LMF1: variants seen among roughly 807,000 people sequenced by gnomAD.
LMF1 encodes the protein lipase maturation factor 1.
In LMF1, 68 loss-of-function variants were observed where a neutral mutation model predicts 60.6. The ratio of observed to expected loss-of-function variants is 1.12; its 90% CI spans 0.92 to 1.37. LMF1 has a LOEUF of 1.37. Ranked by LOEUF, LMF1 falls within the 40% of genes most tolerant of loss-of-function variation. The pLI, the probability that LMF1 is intolerant of heterozygous loss-of-function variation, is 0.00. For missense variants in LMF1, 948 were observed against 767.2 expected, an observed-to-expected ratio of 1.24 and a Z score of -2.78; for synonymous variants, 418 against 324.7, an observed-to-expected ratio of 1.29 and a Z score of -3.09.
intron 1 of LMF1, among the ~76,000 whole-genome samples, chr16:959,258 C>G (rs2072772971): frequency 6.6e-6 from 1 of 152,240 alleles, no homozygotes; most frequent in Admixed American, 6.5e-5. Context: ...GCTGTTGGTT[C>G]AGGCAATAAC....
At chr16:887,472 G>A (rs1255014022) in intron 5 of LMF1, among the ~76,000 whole-genome samples, 2 of 152,216 alleles carry the variant, frequency 1.3e-5, no homozygotes, top group Non-Finnish European at 2.9e-5. Context: ...ACCCGTGGGG[G>A]AGCTCGGCGG....
At chr16:854,914 C>T (rs941898772) in intron 10 of LMF1, 14 of 610,646 alleles carry the variant, frequency 2.3e-5, no homozygotes, top group East Asian at 5.5e-5. Context: ...CAGTGAACAG[C>T]GCAGCAAGGG....
At chr16:917,294 TGCGGGCGG>T (rs1407484351) in intron 3 of LMF1, among the ~76,000 whole-genome samples, 26 of 108,422 alleles carry the variant, frequency 2.4e-4, no homozygotes, top group African/African-American at 1.1e-3. Context: ...ACGTGTGCAC[TGCGGGCGG>T]GCACAGGCCC....
At chr16:893,382 T>C (rs1421972870) in intron 4 of LMF1, 1 of 504,960 alleles carries the variant, frequency 2.0e-6, no homozygotes, top group African/African-American at 1.9e-5. Context: ...AAGTTGCGTG[T>C]CTTTAAAGAG....
At chr16:914,012 C>T (rs1596981856) in intron 3 of LMF1, among the ~76,000 whole-genome samples, 1 of 152,212 alleles carries the variant, frequency 6.6e-6, no homozygotes, top group Non-Finnish European at 1.5e-5. Context: ...GGAGTGGCTT[C>T]CCAGAGCTCT....
upstream of LMF1, among the ~76,000 whole-genome samples, chr16:973,861 T>C (rs1278800999): frequency 6.6e-6 from 1 of 151,806 alleles, no homozygotes; most frequent in Non-Finnish European, 1.5e-5. Context: ...AACAACAAAA[T>C]TAGCCGGGCA....
intron 1 of LMF1, among the ~76,000 whole-genome samples, chr16:969,555 G>C (rs550672172): frequency 1.3e-5 from 2 of 152,364 alleles, no homozygotes; most frequent in East Asian, 3.9e-4. Context: ...CAAAGGCTGT[G>C]CAAAGAAGAA....
At chr16:974,739 C>T (rs1237671807), upstream of LMF1, among the ~76,000 whole-genome samples, 8 of 152,338 alleles carry the variant, frequency 5.3e-5, no homozygotes, top group South Asian at 1.0e-3. Context: ...GAGCCCCTGT[C>T]GGCACCTCGT....
At chr16:855,961 T>C (rs1303519379) in intron 10 of LMF1, 2 of 455,700 alleles carry the variant, frequency 4.4e-6, no homozygotes, top group Non-Finnish European at 8.8e-6. Flanking sequence ...TCTGGGTGTG[T>C]GATGGATGAT....
chr16:883,265 T>C (rs1167549047), intron 5 of LMF1, among the ~76,000 whole-genome samples: 4 of 82,318 alleles, frequency 4.9e-5, no homozygotes, highest in African/African-American at 1.5e-4. Context: ...CCAGGAGAAA[T>C]AGGAGCTGCT....
chr16:951,272 A>C (rs2072459819), intron 2 of LMF1, among the ~76,000 whole-genome samples: 4 of 138,230 alleles, frequency 2.9e-5, no homozygotes, highest in Admixed American at 2.9e-4. Flanking sequence ...AGTCAGAGCC[A>C]ACGACAGAGT....
At chr16:912,305 G>A (rs533049315) in intron 3 of LMF1, among the ~76,000 whole-genome samples, 1 of 151,844 alleles carries the variant, frequency 6.6e-6, no homozygotes. Context: ...TGGGGGCAGT[G>A]TCTACCTGCC....
At chr16:920,031 C>T (rs1346032269) in intron 3 of LMF1, among the ~76,000 whole-genome samples, 2 of 151,870 alleles carry the variant, frequency 1.3e-5, no homozygotes, top group Non-Finnish European at 2.9e-5. Context: ...AACATCTGCA[C>T]CGGCCCTGGC....
intron 1 of LMF1, among the ~76,000 whole-genome samples, chr16:978,763 G>A (rs999108708): frequency 1.3e-4 from 20 of 152,086 alleles, no homozygotes; most frequent in Non-Finnish European, 2.9e-4. Flanking sequence ...GGGGAGGAGG[G>A]TGTGTGTGCA....
At position 954,498 on chromosome 16, in the gene LMF1, T is replaced by C; in HGVS notation, c.362A>G (p.Asp121Gly). The change falls in exon 2 of 11, where the codon GAC becomes GGC. Residue 121 changes from aspartate to glycine, a missense_variant. Physicochemically the swap from Asp to Gly is moderately conservative, Grantham distance 94 (BLOSUM62 -1). Transcript: ENST00000262301. Reference sequence around the variant, plus strand: ...CAGCAAGTCCAGGTTGGAGTTCATGTCTGACCAGTCCATCAGCCAGAGGAT... The same window carrying C: ...CAGCAAGTCCAGGTTGGAGTTCATGCCTGACCAGTCCATCAGCCAGAGGAT... ...PTILWLMDWSDMNSNLDLLAL... is the reference protein window; with the variant it reads ...PTILWLMDWSGMNSNLDLLAL... 4.3e-6 allele frequency: 7 copies of C among 1,612,864 alleles called. No homozygotes were observed. The highest frequency in any genetic ancestry group is 5.9e-6 in the Non-Finnish European group (7 of 1,179,560).
chr16:866,634 G>A (rs2069617352), intron 10 of LMF1, among the ~76,000 whole-genome samples: 1 of 152,190 alleles, frequency 6.6e-6, no homozygotes, highest in Non-Finnish European at 1.5e-5. Flanking sequence ...GCCGTTTGGA[G>A]GAGAGTCCAG....
At chr16:860,714 C>A (rs1199509937) in intron 10 of LMF1, among the ~76,000 whole-genome samples, 1 of 151,962 alleles carries the variant, frequency 6.6e-6, no homozygotes, top group Non-Finnish European at 1.5e-5. Context: ...TGGGGTGAGA[C>A]GTGGGTCGAA....
chr16:956,332 C>T (rs903913477), intron 1 of LMF1, among the ~76,000 whole-genome samples: 4 of 152,050 alleles, frequency 2.6e-5, no homozygotes, highest in Non-Finnish European at 5.9e-5. Context: ...ATTTGTAGAA[C>T]ACTGAATGCT....
chr16:947,830 TGACAGAGTCAGCCAAC>T (rs896777554), intron 2 of LMF1, among the ~76,000 whole-genome samples: 25 of 145,464 alleles, frequency 1.7e-4, no homozygotes, highest in Admixed American at 1.6e-3. Context: ...AGTCAGCCAA[TGACAGAGTCAGCCAAC>T]GACAGAGTTA....
Sources: allele counts gnomAD v4.1 joint callset (sites outside exome capture counted in the v4.1 genomes callset), GRCh38; gene constraint gnomAD v4.1.1; transcripts MANE v1.5; gene names NCBI Gene and HGNC (gene_info 2026-07-23, HGNC 2026-07-21).